SPATS2L: variants seen among roughly 807,000 people sequenced by gnomAD.
SPATS2L encodes the protein SPATS2-like protein.
A neutral mutation model predicts 59.6 loss-of-function variants in SPATS2L; 30 were observed. The observed-to-expected ratio is 0.50, with a 90% CI of 0.38 to 0.68. SPATS2L has a LOEUF of 0.68. Among genes scored for constraint, SPATS2L ranks in the 30% least tolerant of loss-of-function variants. The pLI is 0.00. For synonymous variants in SPATS2L, 252 were observed against 263.5 expected, an observed-to-expected ratio of 0.96 and a Z score of 0.42; for missense variants, 615 against 700.0, an observed-to-expected ratio of 0.88 and a Z score of 1.37.
At chr2:200,459,638 T>C (rs2086098244) in intron 8 of SPATS2L, 131 bp from the exon 9 acceptor site, 1 of 725,150 alleles carries the variant, frequency 1.4e-6, no homozygotes, top group Admixed American at 2.5e-5. Context: ...ACTGCTGGCA[T>C]TGTAGCATAG....
At chr2:200,446,018 C>T (rs1336091565) in intron 8 of SPATS2L, among the ~76,000 whole-genome samples, 1 of 152,166 alleles carries the variant, frequency 6.6e-6, no homozygotes, top group Non-Finnish European at 1.5e-5. Context: ...AAGTGCCGCC[C>T]CCAGAGATAC....
At chr2:200,384,618 C>G (rs565523357) in intron 2 of SPATS2L, among the ~76,000 whole-genome samples, 1 of 152,314 alleles carries the variant, frequency 6.6e-6, no homozygotes, top group South Asian at 2.1e-4. Context: ...TCCCAAAGTG[C>G]TGGGATTACA....
intron 12 of SPATS2L, 96 bp from the exon 13 acceptor site, chr2:200,477,537 AAGC>A: frequency 2.9e-6 from 2 of 700,338 alleles, no homozygotes; most frequent in Non-Finnish European, 4.1e-6. Flanking sequence ...AAAAAAAAAA[AAGC>A]TTACCTGTGG....
intron 3 of SPATS2L, among the ~76,000 whole-genome samples, chr2:200,396,998 G>C (rs2082375660): frequency 6.6e-6 from 1 of 152,210 alleles, no homozygotes; most frequent in African/African-American, 2.4e-5. Flanking sequence ...GATTTGACAA[G>C]GAGTCTAAAG....
intron 9 of SPATS2L, among the ~76,000 whole-genome samples, chr2:200,465,425 A>AG (rs1323697023): frequency 6.6e-6 from 1 of 152,238 alleles, no homozygotes; most frequent in East Asian, 1.9e-4. Context: ...TGAAAATGAG[A>AG]GTGAGCCACC....
intron 2 of SPATS2L, among the ~76,000 whole-genome samples, chr2:200,376,537 CTCTT>C (rs753468899): frequency 1.3e-5 from 2 of 152,280 alleles, no homozygotes; most frequent in East Asian, 1.9e-4. Context: ...TTGAACTTTG[CTCTT>C]TCTATGTTAT....
At chr2:200,398,317 G>C (rs1281665222) in intron 3 of SPATS2L, among the ~76,000 whole-genome samples, 1 of 152,144 alleles carries the variant, frequency 6.6e-6, no homozygotes, top group African/African-American at 2.4e-5. Flanking sequence ...ACCTATTTTG[G>C]AATTCAACTA....
rs1429410244 is a variant in SPATS2L, at chr2:200,469,802, C to T, written c.958-112C>T. ...CCAGCAACAGGGCTGGAAAGATCCC[C>T]ACCAGGTCAGCACTGCAGTGGACAC... On this transcript the variant is annotated intron_variant, in intron 10 of 12. Coordinates refer to ENST00000409140, the MANE Select transcript of SPATS2L (RefSeq NM_001100423.2). The T allele has an allele frequency of 2.1e-5, 16 of 767,522 alleles. No individual in the cohort carries two copies. The Admixed American group carries it at 4.3e-4, about 21-fold the overall frequency. The allele number at this position is 767,522 out of a possible 1,614,324, so 47.5% of individuals were successfully genotyped here. A position where few individuals can be genotyped will look rare whatever the true frequency, so the allele number is the denominator to read the frequency against.
At chr2:200,394,593 G>A (rs1367711691) in intron 3 of SPATS2L, among the ~76,000 whole-genome samples, 1 of 152,142 alleles carries the variant, frequency 6.6e-6, no homozygotes, top group Non-Finnish European at 1.5e-5. Flanking sequence ...AATGAATAAT[G>A]AATGAATGGA....
At chr2:200,372,460 C>CTTGCCTTTTAAT (rs2081458372) in intron 2 of SPATS2L, among the ~76,000 whole-genome samples, 4 of 152,010 alleles carry the variant, frequency 2.6e-5, no homozygotes, top group Admixed American at 1.3e-4. Context: ...AAAGGGTATT[C>CTTGCCTTTTAAT]CATGGTGGTT....
At chr2:200,386,940 G>A (rs1376552443) in intron 2 of SPATS2L, among the ~76,000 whole-genome samples, 1 of 152,078 alleles carries the variant, frequency 6.6e-6, no homozygotes, top group African/African-American at 2.4e-5. Context: ...AAGAAAATCA[G>A]CCATCCAGAA....
intron 2 of SPATS2L, among the ~76,000 whole-genome samples, chr2:200,355,622 T>G (rs1455351111): frequency 1.3e-5 from 2 of 152,240 alleles, no homozygotes; most frequent in African/African-American, 4.8e-5. Flanking sequence ...CTTGATACAT[T>G]TGAGTTGCGG....
intron 1 of SPATS2L, 128 bp downstream of exon 1, chr2:200,307,050 C>G: frequency 1.3e-6 from 1 of 780,860 alleles, no homozygotes; most frequent in South Asian, 5.8e-5. Flanking sequence ...GCCGCCCAGC[C>G]TCCGCCGCCT....
At position 200,371,794 on chromosome 2, in the gene SPATS2L, T is replaced by C. The variant is rs552685089; in HGVS notation, c.-22-17429T>C. On this transcript the variant is annotated intron_variant, in intron 2 of 12. Coordinates refer to ENST00000409140, the MANE Select transcript of SPATS2L (RefSeq NM_001100423.2). ...GCTTCACCAACTTGCAGATTGTGGG[T>C]ACATTAGGACCAGGAGATGCTTCTC... Among the ~76,000 whole-genome samples the C allele has an allele frequency of 8.5e-5, 13 of 152,302 alleles. No individual in the cohort carries two copies. In the South Asian group the frequency reaches 2.5e-3, roughly 29 times the overall value.
In SPATS2L at chr2:200,445,464, A is replaced by G. The variant is rs553887201; in HGVS notation, c.788+4680A>G. ...AAGGAAAATCACACACAGATTATCA[A>G]TGTGGTCAACAGGTGGCCCCACATA... is the stretch of plus-strand genomic sequence containing the variant. On this transcript the variant is annotated intron_variant, in intron 8 of 12. Transcript: ENST00000409140. Among the ~76,000 whole-genome samples, 990 of 152,338 alleles carry G rather than the reference A, an allele frequency of 6.5e-3. 9 individuals carry two copies. Among genetic ancestry groups the G allele is most frequent in the Non-Finnish European group, 0.011 (770 of 68,038 alleles).
intron 8 of SPATS2L, among the ~76,000 whole-genome samples, chr2:200,455,134 A>G (rs2085745995): frequency 6.6e-6 from 1 of 152,220 alleles, no homozygotes; most frequent in African/African-American, 2.4e-5. Flanking sequence ...CAAGCACCAC[A>G]ATGTACTAGT....
intron 1 of SPATS2L, among the ~76,000 whole-genome samples, chr2:200,308,697 A>G (rs1445219476): frequency 6.6e-6 from 1 of 152,210 alleles, no homozygotes; most frequent in Non-Finnish European, 1.5e-5. Context: ...AAATACAATC[A>G]CTTGAATGCA....
chr2:200,378,338 A>G, intron 2 of SPATS2L: 1 of 1,002,554 alleles, frequency 1.0e-6, no homozygotes, highest in Non-Finnish European at 1.2e-6. Context: ...CTGGACTGAG[A>G]GCCCTGATTT....
Position 200,476,779 on chromosome 2 carries a change from C to T in SPATS2L, c.1282-857C>T, listed in dbSNP as rs547068789. On this transcript the variant is annotated intron_variant, in intron 12 of 12. Coordinates refer to ENST00000409140, the MANE Select transcript of SPATS2L (RefSeq NM_001100423.2). ...TAGACCTTCTACTTTTTCATGAAGG[C>T]AGAGGGTCAATGTGACACTTTTCTG... 8.5e-5 allele frequency among the ~76,000 whole-genome samples: 13 copies of T among 152,364 alleles called. No homozygotes were observed. In the East Asian group the frequency reaches 2.1e-3, roughly 25 times the overall value.
Sources: allele counts gnomAD v4.1 joint callset (sites outside exome capture counted in the v4.1 genomes callset), GRCh38; gene constraint gnomAD v4.1.1; transcripts MANE v1.5; gene names NCBI Gene and HGNC (gene_info 2026-07-23, HGNC 2026-07-21).